KCNH2: variants seen among roughly 807,000 people sequenced by gnomAD.
KCNH2 encodes voltage-gated inwardly rectifying potassium channel KCNH2.
A neutral mutation model predicts 95.9 loss-of-function variants in KCNH2; 35 were observed. The ratio of observed to expected loss-of-function variants is 0.37; its 90% confidence interval spans 0.28 to 0.48. The LOEUF is 0.48. Among genes scored for constraint, KCNH2 ranks in the 20% least tolerant of loss-of-function variants. The pLI is 0.99. For missense variants in KCNH2, 1,274 were observed against 1,702.9 expected, an observed-to-expected ratio of 0.75 and a Z score of 4.43; for synonymous variants, 786 against 754.7, an observed-to-expected ratio of 1.04 and a Z score of -0.68.
chr7:150,976,563 G>A (rs1391368220), intron 1 of KCNH2, among the ~76,000 whole-genome samples: 2 of 152,186 alleles, frequency 1.3e-5, no homozygotes, highest in South Asian at 4.1e-4. Flanking sequence ...AAGTTTCTTC[G>A]AAGGCATGCC....
rs1554425463 is a variant in KCNH2 at position 150,950,944 on chromosome 7, T to C, written c.2122A>G (p.Thr708Ala). The change falls in exon 8 of 15, where the codon ACC (threonine) becomes GCC (alanine). Residue 708 changes from threonine (T) to alanine (A), a missense_variant. Physicochemically the swap from Thr to Ala is moderately conservative, Grantham distance 58. Coordinates refer to ENST00000262186, the MANE Select transcript of KCNH2 (RefSeq NM_000238.4). ...EEYFQHAWSY[T>A]NGIDMNAVLK... ...ACCGCGTTCATGTCGATGCCGTTGG[T>C]GTAGGACCAGGCGTGCTGGAAGTAC... The C allele has an allele frequency of 6.2e-7, 1 of 1,614,084 alleles. No homozygotes were observed. The highest frequency in any genetic ancestry group is 1.3e-5 in the African/African-American group (1 of 74,948).
chr7:150,949,918 A>C, intron 9 of KCNH2: 1 of 1,499,122 alleles, frequency 6.7e-7, no homozygotes, highest in Middle Eastern at 1.7e-4. Flanking sequence ...GGAAGCAAAA[A>C]GTGTCTGTTT....
intron 3 of KCNH2, among the ~76,000 whole-genome samples, chr7:150,959,203 A>G (rs1801484269): frequency 6.6e-6 from 1 of 152,128 alleles, no homozygotes; most frequent in South Asian, 2.1e-4. Context: ...CTTCCTACTG[A>G]GGGGAGGAGC....
Position 150,952,768 on chromosome 7 carries a change from G to A in KCNH2, c.1214C>T (p.Pro405Leu). The change falls in exon 6 of 15, where the codon CCC (proline) becomes CTC (leucine). Residue 405 changes from proline (P) to leucine (L), a missense_variant. Physicochemically the swap from Pro to Leu is moderately conservative, Grantham distance 98. Coordinates refer to ENST00000262186, the MANE Select transcript of KCNH2 (RefSeq NM_000238.4). This position sits in a 1 kb window ranked among gnomAD's most constrained non-coding sequence, Gnocchi z 7.3. The stretch of plus-strand genomic sequence containing the variant: ...GAGCCAGTCCCACACGGCCTTGAAG[G>A]GGCTGTAATGCAGGATGGTCCAGCG... Reference protein sequence around the residue: ...IHRWTILHYSPFKAVWDWLIL... With the variant: ...IHRWTILHYSLFKAVWDWLIL... 1 of 1,614,134 alleles carries A rather than the reference G, an allele frequency of 6.2e-7. No homozygotes were observed. Among genetic ancestry groups the A allele is most frequent in the Non-Finnish European group, 8.5e-7 (1 of 1,180,016 alleles).
At chr7:150,955,536 T>G (rs1453172290) in intron 5 of KCNH2, 5 of 1,529,500 alleles carry the variant, frequency 3.3e-6, no homozygotes, top group Non-Finnish European at 4.4e-6. Context: ...CTGCCTGCCC[T>G]GGGGCCTGAG....
In KCNH2 at chr7:150,962,627, C is replaced by CAGAGAGAGAGAGAGAGAGAGAGAGAG. The variant is rs41307331; in HGVS notation, c.308-2917_308-2892dup. On this transcript the variant is annotated intron_variant, in intron 2 of 14. Transcript: ENST00000262186. The surrounding 1 kb of genome is among the most constrained non-coding windows in gnomAD (Gnocchi z 5.7). ...CACACTTACACACACACACGAGAGACAGAGAGAGAGAGAGAGAGAGAGAGA... is the reference window on the plus strand; with the variant it reads ...CACACTTACACACACACACGAGAGACAGAGAGAGAGAGAGAGAGAGAGAGAGAGAGAGAGAGAGAGAGAGAGAGAGA... Among the ~76,000 whole-genome samples, 177 of 146,334 alleles carry CAGAGAGAGAGAGAGAGAGAGAGAGAG rather than the reference C, an allele frequency of 1.2e-3. 1 individual carries two copies. The highest frequency in any genetic ancestry group is 1.6e-3 in the Non-Finnish European group (109 of 66,730).
intron 1 of KCNH2, among the ~76,000 whole-genome samples, chr7:150,975,928 A>G (rs1199889020): frequency 6.6e-6 from 1 of 152,212 alleles, no homozygotes; most frequent in African/African-American, 2.4e-5. Flanking sequence ...GGCCTTCCTC[A>G]GTTTGGCCTC....
chr7:150,949,189 A>T, intron 9 of KCNH2, 140 bp from the exon 10 acceptor site: 1 of 1,094,956 alleles, frequency 9.1e-7, no homozygotes, highest in African/African-American at 1.6e-5. Flanking sequence ...CAACCCACAC[A>T]ACCGGGGAAG....
rs532039986 is a variant in KCNH2 at position 150,952,010 on chromosome 7, T to C, written c.1558-175A>G. Among the ~76,000 whole-genome samples the C allele has an allele frequency of 1.9e-4, 29 of 152,298 alleles. No homozygotes were observed. The highest frequency in any genetic ancestry group is 6.7e-4 in the African/African-American group (28 of 41,550). On this transcript the variant is annotated intron_variant, in intron 6 of 14. Transcript: ENST00000262186. The surrounding 1 kb of genome is among the most constrained non-coding windows in gnomAD (Gnocchi z 7.3). ...CCCAGCACAGGTGTCTCATTAATCT[T>C]AGTGCTAGCTTTGGGACAGAGGCAG... is the stretch of plus-strand genomic sequence containing the variant.
chr7:150,959,490 G>C, intron 3 of KCNH2, 82 bp downstream of exon 3: 1 of 1,515,100 alleles, frequency 6.6e-7, no homozygotes, highest in Non-Finnish European at 9.1e-7. Flanking sequence ...CCTTCCTGCA[G>C]AGCGTTGACC....
chr7:150,952,174 A>G lies in KCNH2; in HGVS notation c.1557+251T>C, dbSNP rs1417930825. 6.6e-6 allele frequency among the ~76,000 whole-genome samples: 1 copy of G among 152,200 alleles called. No homozygotes were observed. The highest frequency in any genetic ancestry group is 1.5e-5 in the Non-Finnish European group (1 of 68,026). On this transcript the variant is annotated intron_variant, in intron 6 of 14. Transcript: ENST00000262186. The surrounding 1 kb of genome is among the most constrained non-coding windows in gnomAD (Gnocchi z 7.3). ...GCCCCTTGGGATGGACGAATTAGAA[A>G]AAAAGGTGTCCTGTGTGGCCCTCTG... is the stretch of plus-strand genomic sequence containing the variant.
chr7:150,949,346 C>A, intron 9 of KCNH2: 1 of 1,321,694 alleles, frequency 7.6e-7, no homozygotes, highest in South Asian at 1.7e-5. Context: ...CCAATCACTG[C>A]ACCCTTATAA....
Position 150,977,876 on chromosome 7 carries a change from G to A in KCNH2, c.38C>T (p.Thr13Ile). Residue 13 changes from threonine (T) to isoleucine (I), a missense_variant, in exon 1 of 15, where the codon ACC becomes ATC. By Grantham distance (89) the Thr-to-Ile change is moderately conservative. Coordinates refer to ENST00000262186, the MANE Select transcript of KCNH2 (RefSeq NM_000238.4). ...CTTGCGGATGATGGTGTCCAGGAAG[G>A]TGTTCTGCGGCGCGACGTGGCCCCT... ...VRRGHVAPQNTFLDTIIRKFE... is the reference protein window; with the variant it reads ...VRRGHVAPQNIFLDTIIRKFE... The A allele has an allele frequency of 1.2e-6, 2 of 1,606,386 alleles. No homozygotes were observed. The highest frequency in any genetic ancestry group is 1.3e-5 in the African/African-American group (1 of 74,192).
chr7:150,970,354 CAGCTCTTCGCAAATATTTACAT>C (rs2117048818), intron 2 of KCNH2, among the ~76,000 whole-genome samples: 1 of 152,074 alleles, frequency 6.6e-6, no homozygotes, highest in Non-Finnish European at 1.5e-5. Context: ...CCATCTCAGA[CAGCTCTTCGCAAATATTTACAT>C]AGCTCCTCTC....
intron 2 of KCNH2, among the ~76,000 whole-genome samples, chr7:150,968,766 G>T (rs929519509): frequency 6.6e-6 from 1 of 152,052 alleles, no homozygotes; most frequent in Non-Finnish European, 1.5e-5. Context: ...GGGAGGGAAG[G>T]GGAGAGGCAG....
chr7:150,947,843 GC>G lies in KCNH2; in HGVS notation c.2727del (p.Pro910ArgfsTer64), dbSNP rs794728450. 1 of 1,526,664 alleles carries G rather than the reference GC, an allele frequency of 6.6e-7. No homozygotes were observed. The allele number at this position is 1,526,664 out of a possible 1,614,324, so 94.6% of individuals were successfully genotyped here. ...TEQPGEVSAL[G>X]PGRAGAGPSS... ...CTCGGCCCTGCCCCCGCCCGGCCCG[GC>G]CCCAAGGCCGACACCTCCCCTGGCT... On this transcript the variant is annotated frameshift_variant, in exon 12 of 15. Transcript: ENST00000262186. LOFTEE classifies it high-confidence loss of function.
At chr7:150,948,815 G>A (rs1359517584) in intron 10 of KCNH2, 41 bp downstream of exon 10, 3 of 1,579,114 alleles carry the variant, frequency 1.9e-6, no homozygotes, top group East Asian at 2.2e-5. Flanking sequence ...CACACAGCTG[G>A]AAGCAGGAGG....
chr7:150,972,974 C>T (rs951217137), intron 2 of KCNH2, among the ~76,000 whole-genome samples: 4 of 152,234 alleles, frequency 2.6e-5, no homozygotes, highest in African/African-American at 7.2e-5. Flanking sequence ...ACAGCTACAT[C>T]GTAGTGGGAC....
At chr7:150,963,943 G>A (rs1387401549) in intron 2 of KCNH2, among the ~76,000 whole-genome samples, 4 of 152,182 alleles carry the variant, frequency 2.6e-5, no homozygotes, top group South Asian at 4.1e-4. Context: ...ACACAACGCC[G>A]GCTTGCTTTC....
Sources: allele counts gnomAD v4.1 joint callset (sites outside exome capture counted in the v4.1 genomes callset), GRCh38; gene constraint gnomAD v4.1.1; non-coding constraint Gnocchi (gnomAD v3.1); transcripts MANE v1.5; gene names NCBI Gene and HGNC (gene_info 2026-07-23, HGNC 2026-07-21).